ZNF536: variants seen among roughly 807,000 people sequenced by gnomAD.
ZNF536 encodes the protein zinc finger protein 536.
ZNF536 carries 13 observed loss-of-function variants against 84.5 expected under a neutral mutation model. That is an observed-to-expected ratio of 0.15 (90% CI 0.10 to 0.24). The LOEUF is 0.24. Ranked by LOEUF, ZNF536 falls within the 10% of genes least tolerant of loss-of-function variation. The probability of loss-of-function intolerance (pLI) is 1.00; values close to 1 mark genes in which losing one functional copy is unlikely to be tolerated. For synonymous variants in ZNF536, 811 were observed against 742.5 expected, an observed-to-expected ratio of 1.09 and a Z score of -1.50; for missense variants, 1,536 against 1,747.5, an observed-to-expected ratio of 0.88 and a Z score of 2.16.
intron 2 of ZNF536, among the ~76,000 whole-genome samples, chr19:30,324,970 A>G (rs1422983671): frequency 6.6e-6 from 1 of 152,174 alleles, no homozygotes; most frequent in Non-Finnish European, 1.5e-5. Flanking sequence ...AAGGAGGCCC[A>G]GGGAAGAAAG....
intron 2 of ZNF536, among the ~76,000 whole-genome samples, chr19:30,320,928 A>T (rs558696007): frequency 5.3e-5 from 8 of 152,296 alleles, no homozygotes; most frequent in African/African-American, 1.9e-4. Flanking sequence ...ATACGTATTG[A>T]ATGGTTAGTG....
At chr19:30,484,465 T>A (rs1256158084) in intron 2 of ZNF536, among the ~76,000 whole-genome samples, 4 of 148,542 alleles carry the variant, frequency 2.7e-5, no homozygotes, top group Non-Finnish European at 5.9e-5. Flanking sequence ...CTCAAACTCC[T>A]GACCTCGTGA....
intron 1 of ZNF536, among the ~76,000 whole-genome samples, chr19:30,570,603 A>G (rs1490219569): frequency 6.6e-6 from 1 of 152,242 alleles, no homozygotes; most frequent in African/African-American, 2.4e-5. Flanking sequence ...TTTCCTAAGC[A>G]GATTTCAGCG....
intron 1 of ZNF536, among the ~76,000 whole-genome samples, chr19:30,631,434 T>C (rs1600092962): frequency 6.6e-6 from 1 of 152,062 alleles, no homozygotes; most frequent in African/African-American, 2.4e-5. Context: ...CCCACCAGGG[T>C]CCATGGACAT....
rs1171972214 is a variant in ZNF536 at position 30,302,624 on chromosome 19, A to G, written c.-120+18483A>G. 2.6e-5 allele frequency among the ~76,000 whole-genome samples: 4 copies of G among 152,180 alleles called. No homozygotes were observed. In the East Asian group the frequency reaches 7.7e-4, roughly 29 times the overall value. On this transcript the variant is annotated intron_variant, in intron 2 of 5. Coordinates refer to the ZNF536 transcript ENST00000585628. ...AAAGTGTCCTCTTTGGGAGTCTACA[A>G]TGCTACAGGGCCAAGGGTGAGCCCA...
intron 2 of ZNF536, among the ~76,000 whole-genome samples, chr19:30,320,524 C>G (rs2046818762): frequency 6.6e-6 from 1 of 152,082 alleles, no homozygotes. Flanking sequence ...CACACAGCAT[C>G]TTGGGGGTCA....
At chr19:30,349,557 C>T (rs1286083456) in intron 2 of ZNF536, among the ~76,000 whole-genome samples, 4 of 152,120 alleles carry the variant, frequency 2.6e-5, no homozygotes, top group Non-Finnish European at 5.9e-5. Flanking sequence ...CAATGAGAAG[C>T]GTTCTTGCTA....
At chr19:30,573,431 C>A (rs1391575358) in intron 1 of ZNF536, among the ~76,000 whole-genome samples, 1 of 152,156 alleles carries the variant, frequency 6.6e-6, no homozygotes, top group African/African-American at 2.4e-5. Flanking sequence ...TTGAGGCTGA[C>A]CAGTTGTACG....
At chr19:30,436,562 C>T in intron 1 of ZNF536, 1 of 963,556 alleles carries the variant, frequency 1.0e-6, no homozygotes, top group Non-Finnish European at 1.2e-6. Flanking sequence ...ATAATGTTTA[C>T]AGCTGTTTAA....
chr19:30,550,278 T>A (rs1001357751), intron 4 of ZNF536, among the ~76,000 whole-genome samples: 14 of 152,252 alleles, frequency 9.2e-5, no homozygotes, highest in African/African-American at 3.4e-4. Flanking sequence ...TTAAAGCATA[T>A]GGGTACCCCA....
intron 1 of ZNF536, among the ~76,000 whole-genome samples, chr19:30,261,165 G>T (rs926289306): frequency 8.7e-5 from 13 of 150,088 alleles, no homozygotes; most frequent in Non-Finnish European, 1.8e-4. Context: ...GGGCGTAGTG[G>T]CGGGCGCCTG....
At chr19:30,231,195 C>A (rs1170911262) in intron 1 of ZNF536, among the ~76,000 whole-genome samples, 1 of 152,222 alleles carries the variant, frequency 6.6e-6, no homozygotes, top group Non-Finnish European at 1.5e-5. Flanking sequence ...TGCAGGTCAA[C>A]ATTTGTCCAT....
chr19:30,353,549 TC>T (rs2048002001), intron 3 of ZNF536, among the ~76,000 whole-genome samples: 1 of 152,048 alleles, frequency 6.6e-6, no homozygotes, highest in Non-Finnish European at 1.5e-5. Context: ...ACCGGTGACT[TC>T]TCAGAGCACT....
intron 1 of ZNF536, among the ~76,000 whole-genome samples, chr19:30,612,397 C>T (rs144752084): frequency 9.9e-5 from 15 of 152,248 alleles, no homozygotes; most frequent in African/African-American, 2.6e-4. Flanking sequence ...CCTGACTTTG[C>T]GGGACCATCA....
exon 2 of ZNF536, chr19:30,711,725 T>C (rs1205096183): frequency 6.6e-6 from 1 of 152,122 alleles, no homozygotes; most frequent in African/African-American, 2.4e-5. Flanking sequence ...TTCCTTTTTT[T>C]AGATCAAATT....
chr19:30,607,638 C>A (rs1043343441), intron 1 of ZNF536, among the ~76,000 whole-genome samples: 1 of 150,426 alleles, frequency 6.6e-6, no homozygotes, highest in Non-Finnish European at 1.5e-5. Flanking sequence ...AGGAGAATCA[C>A]TTGAACCTGG....
chr19:30,298,064 G>A (rs1437939406), intron 2 of ZNF536, among the ~76,000 whole-genome samples: 6 of 152,104 alleles, frequency 3.9e-5, no homozygotes, highest in Non-Finnish European at 8.8e-5. Flanking sequence ...ATTTTTGGTA[G>A]AGATGGGGTT....
In ZNF536 at chr19:30,443,711, T is replaced by C; in HGVS notation, c.149T>C (p.Leu50Pro). 1 of 1,613,496 alleles carries C rather than the reference T, an allele frequency of 6.2e-7. No homozygotes were observed. The highest frequency in any genetic ancestry group is 8.5e-7 in the Non-Finnish European group (1 of 1,179,862). ...CAGCTCAGCCATGCCTTCCCCGAGC[T>C]CCATCCCCGGCCCAACCCCGAGGAG... is the stretch of plus-strand genomic sequence containing the variant. ...TSQLSHAFPE[L>P]HPRPNPEEKP... Residue 50 changes from leucine (L) to proline (P), a missense_variant, in exon 2 of 5, where the codon CTC becomes CCC. This residue lies in a region of ZNF536 where 161 missense variants were observed against 178.5 expected (regional missense o/e 0.90). Coordinates refer to ENST00000355537, the MANE Select transcript of ZNF536 (RefSeq NM_014717.3).
chr19:30,254,176 G>A (rs892298725), intron 1 of ZNF536, among the ~76,000 whole-genome samples: 1 of 152,124 alleles, frequency 6.6e-6, no homozygotes, highest in Non-Finnish European at 1.5e-5. Flanking sequence ...ACCATTCCTT[G>A]ATATATGCTC....
Sources: gnomAD v4.1 joint callset for allele counts (sites outside exome capture counted in the v4.1 genomes callset) on GRCh38, gnomAD v4.1.1 for gene constraint, gnomAD v4.1.1 regional missense constraint, MANE v1.5 for transcripts, NCBI Gene and HGNC (gene_info 2026-07-23, HGNC 2026-07-21) for gene names.